C3orf20: variants seen among roughly 807,000 people sequenced by gnomAD.
The protein encoded by C3orf20 is uncharacterized protein C3orf20.
C3orf20 carries 76 observed loss-of-function variants against 88.3 expected under a neutral mutation model. That is an observed-to-expected ratio of 0.86 (90% CI 0.72 to 1.04). The LOEUF is 1.04. Among genes scored for constraint, C3orf20 ranks in the 50% least tolerant of loss-of-function variants. The probability of loss-of-function intolerance (pLI) is 0.00; values close to 1 mark genes in which losing one functional copy is unlikely to be tolerated. For missense variants in C3orf20, 1,056 were observed against 1,123.3 expected (o/e 0.94, Z 0.86); for synonymous variants, 436 against 437.4 (o/e 1.00, Z 0.04).
At chr3:14,720,956 A>C (rs949647086) in intron 9 of C3orf20, among the ~76,000 whole-genome samples, 1 of 152,224 alleles carries the variant, frequency 6.6e-6, no homozygotes, top group Non-Finnish European at 1.5e-5. Flanking sequence ...CCCGTAGACC[A>C]CAGAGCTCTC....
At chr3:14,686,140 G>A (rs2032417742) in intron 4 of C3orf20, among the ~76,000 whole-genome samples, 1 of 152,170 alleles carries the variant, frequency 6.6e-6, no homozygotes, top group Admixed American at 6.5e-5. Context: ...GATTGCAGGC[G>A]TGAGCCACCA....
chr3:14,726,954 C>T lies in C3orf20; in HGVS notation c.1620C>T (p.Ala540=), dbSNP rs1336243274. 1 of 1,614,150 alleles carries T rather than the reference C, an allele frequency of 6.2e-7. No individual in the cohort carries two copies. The highest frequency in any genetic ancestry group is 1.1e-5 in the South Asian group (1 of 91,084). ...ACAAGGTGTATAAGATGAGCCGAGC[C>T]CTGGCTGAGATCAAGAAGCGGTTTC... The part of the protein sequence containing the change: ...MDDKVYKMSR[A]LAEIKKRFQK... Residue 540 remains alanine (A), a synonymous_variant, in exon 11 of 17, where the codon GCC becomes GCT. Coordinates refer to ENST00000253697, the MANE Select transcript of C3orf20 (RefSeq NM_032137.5).
rs559575716 is a variant in C3orf20 at position 14,755,476 on chromosome 3, A to G, written c.1941-1895A>G. On this transcript the variant is annotated intron_variant, in intron 12 of 16. Transcript: ENST00000253697. ...TTTTGAACTTCTCCCTGGGTAAGCT[A>G]TAATTAATAGATCCAGTCTCCCCCA... Among the ~76,000 whole-genome samples, 11 of 152,318 alleles carry G rather than the reference A, an allele frequency of 7.2e-5. No homozygotes were observed. In the South Asian group the frequency reaches 2.3e-3, roughly 32 times the overall value.
chr3:14,691,839 A>G (rs1405504204), intron 5 of C3orf20, among the ~76,000 whole-genome samples: 1 of 152,188 alleles, frequency 6.6e-6, no homozygotes, highest in Non-Finnish European at 1.5e-5. Context: ...TGTGCTATCA[A>G]ATACTAGGTC....
intron 12 of C3orf20, among the ~76,000 whole-genome samples, chr3:14,743,344 T>C (rs1309875444): frequency 6.6e-6 from 1 of 151,958 alleles, no homozygotes; most frequent in African/African-American, 2.4e-5. Context: ...TGACTCCAGG[T>C]CTCACATTCA....
chr3:14,684,336 C>A lies in C3orf20; in HGVS notation c.579C>A (p.Ile193=). Residue 193 remains isoleucine (I), a synonymous_variant, in exon 4 of 17, where the codon ATC becomes ATA. Transcript: ENST00000253697. ...NAKEMAFNCL[I]STAGRSGYSS... is the part of the protein sequence containing the mutation. ...AGGAGATGGCCTTCAACTGCCTGAT[C>A]AGCACAGCCGGGAGAAGTGGCTACA... 6.2e-7 allele frequency: 1 copy of A among 1,614,190 alleles called. No homozygotes were observed. Among genetic ancestry groups the A allele is most frequent in the South Asian group, 1.1e-5 (1 of 91,080 alleles).
chr3:14,725,476 G>C (rs1334067826), intron 10 of C3orf20, among the ~76,000 whole-genome samples: 1 of 152,146 alleles, frequency 6.6e-6, no homozygotes, highest in East Asian at 1.9e-4. Context: ...GCAGCTCTTG[G>C]GAAGCGAGAC....
intron 12 of C3orf20, 78 bp from the exon 13 acceptor site, chr3:14,757,293 C>T: frequency 1.5e-6 from 2 of 1,293,458 alleles, no homozygotes; most frequent in Non-Finnish European, 2.1e-6. Flanking sequence ...CTTTGACCAG[C>T]AGGAGCCAGG....
chr3:14,694,220 A>G (rs1449232440), intron 5 of C3orf20, among the ~76,000 whole-genome samples: 1 of 152,110 alleles, frequency 6.6e-6, no homozygotes, highest in African/African-American at 2.4e-5. Flanking sequence ...ATGAGTTTAT[A>G]AGTATTCCCT....
chr3:14,726,120 T>C (rs981907643), intron 10 of C3orf20, among the ~76,000 whole-genome samples: 1 of 152,196 alleles, frequency 6.6e-6, no homozygotes, highest in Non-Finnish European at 1.5e-5. Flanking sequence ...ACCAAGTATG[T>C]AGGAGTTTAC....
At chr3:14,678,942 C>A (rs958276501) in intron 1 of C3orf20, among the ~76,000 whole-genome samples, 1 of 152,200 alleles carries the variant, frequency 6.6e-6, no homozygotes, top group Non-Finnish European at 1.5e-5. Flanking sequence ...AGATCTGATT[C>A]TAGGCCACTT....
chr3:14,765,522 A>G (rs2035678367), intron 15 of C3orf20: 1 of 152,306 alleles, frequency 6.6e-6, no homozygotes, highest in Non-Finnish European at 1.5e-5. Context: ...CTTTGCATCT[A>G]GAGTGCTAGG....
At chr3:14,723,946 A>G (rs1277343802) in intron 10 of C3orf20, among the ~76,000 whole-genome samples, 3 of 151,342 alleles carry the variant, frequency 2.0e-5, no homozygotes, top group Non-Finnish European at 4.4e-5. Flanking sequence ...ATGCCTTCAG[A>G]CTCTCGAGGA....
chr3:14,721,935 T>G (rs1249615339), intron 10 of C3orf20, 151 bp downstream of exon 10: 1 of 889,310 alleles, frequency 1.1e-6, no homozygotes, highest in Non-Finnish European at 1.7e-6. Context: ...CCACCTACTC[T>G]TAGTACCACC....
chr3:14,728,664 A>C lies in C3orf20; in HGVS notation c.1916A>C (p.His639Pro). 6 of 1,613,884 alleles carry C rather than the reference A, an allele frequency of 3.7e-6. No individual in the cohort carries two copies. The highest frequency in any genetic ancestry group is 5.1e-6 in the Non-Finnish European group (6 of 1,180,034). The change falls in exon 12 of 17, where the codon CAC becomes CCC. Residue 639 changes from histidine (H) to proline (P), a missense_variant. Transcript: ENST00000253697. ...VSPVRKTTKI[H>P]TKAKVTSRGK... ...CCAGTTCGGAAGACCACCAAAATCC[A>C]CACCAAAGCCAAGGTCACATCCAGG... is the stretch of plus-strand genomic sequence containing the variant.
At chr3:14,715,264 C>T (rs780322140) in intron 8 of C3orf20, 25 bp from the exon 9 acceptor site, 14 of 1,605,370 alleles carry the variant, frequency 8.7e-6, no homozygotes, top group Non-Finnish European at 1.2e-5. Flanking sequence ...CCGGTGGCAG[C>T]TACTCACTTC....
intron 10 of C3orf20, 113 bp downstream of exon 10, chr3:14,721,897 G>GC: frequency 7.2e-7 from 1 of 1,379,404 alleles, no homozygotes; most frequent in South Asian, 1.4e-5. Context: ...TCCATGCAAG[G>GC]CCCTGCCTTT....
Position 14,703,405 on chromosome 3 carries a change from T to G in C3orf20, c.878+143T>G, listed in dbSNP as rs1575107916. 4 of 1,339,034 alleles carry G rather than the reference T, an allele frequency of 3.0e-6. No homozygotes were observed. In the South Asian group the frequency reaches 4.2e-5, roughly 14 times the overall value. 82.9% of individuals were successfully genotyped at this position (1,339,034 alleles called of 1,614,324 possible). ...CCTGGGAGCGTGGGTTATGTGGTAC[T>G]CCCCACGACAGCCACAGGTGCAGCA... On this transcript the variant is annotated intron_variant, in intron 6 of 16. Coordinates refer to ENST00000253697, the MANE Select transcript of C3orf20 (RefSeq NM_032137.5).
intron 12 of C3orf20, among the ~76,000 whole-genome samples, chr3:14,741,450 C>T (rs1054876692): frequency 6.6e-6 from 1 of 152,196 alleles, no homozygotes; most frequent in Admixed American, 6.5e-5. Flanking sequence ...TAGTTTCTCT[C>T]TTTTACCAGA....
Sources: gnomAD v4.1 joint callset for allele counts (sites outside exome capture counted in the v4.1 genomes callset) on GRCh38, gnomAD v4.1.1 for gene constraint, MANE v1.5 for transcripts, NCBI Gene and HGNC (gene_info 2026-07-23, HGNC 2026-07-21) for gene names.